Variants in SLC22A9 observed in about 807,000 individuals in gnomAD.
The protein encoded by SLC22A9 is solute carrier family 22 member 9.
In SLC22A9, 64 loss-of-function variants were observed where a neutral mutation model predicts 50.1. That is an observed-to-expected ratio of 1.28 (90% CI 1.04 to 1.57). SLC22A9 has a LOEUF of 1.57. Among genes scored for constraint, SLC22A9 ranks in the 40% most tolerant of loss-of-function variants. SLC22A9 has a pLI of 0.00. For missense variants in SLC22A9, 757 were observed against 676.1 expected, an observed-to-expected ratio of 1.12 and a Z score of -1.33; for synonymous variants, 261 against 242.5, an observed-to-expected ratio of 1.08 and a Z score of -0.71.
chr11:63,371,042 A>C, intron 1 of SLC22A9, 93 bp from the exon 2 acceptor site: 1 of 875,660 alleles, frequency 1.1e-6, no homozygotes, highest in East Asian at 2.6e-5. Context: ...TAGAGACTTA[A>C]TATTAGGAAA....
intron 6 of SLC22A9, among the ~76,000 whole-genome samples, chr11:63,405,703 G>A (rs1390996427): frequency 6.6e-6 from 1 of 152,070 alleles, no homozygotes; most frequent in Non-Finnish European, 1.5e-5. Flanking sequence ...AGCTCCTGAG[G>A]TACTCACTGG....
At chr11:63,370,788 A>G (rs1179907391) in intron 1 of SLC22A9, among the ~76,000 whole-genome samples, 1 of 152,180 alleles carries the variant, frequency 6.6e-6, no homozygotes, top group Non-Finnish European at 1.5e-5. Context: ...AAATTGAGAA[A>G]AGCCTCCATG....
intron 6 of SLC22A9, among the ~76,000 whole-genome samples, chr11:63,405,471 G>A (rs1342534985): frequency 6.6e-6 from 1 of 152,110 alleles, no homozygotes; most frequent in Non-Finnish European, 1.5e-5. Context: ...TTCTGAAAAC[G>A]TAATAAAAAC....
At chr11:63,408,081 T>G in intron 7 of SLC22A9, 31 bp from the exon 8 acceptor site, 1 of 1,575,058 alleles carries the variant, frequency 6.3e-7, no homozygotes, top group Non-Finnish European at 8.7e-7. Flanking sequence ...AGCTCAGATT[T>G]CCTGAGGCCT....
chr11:63,372,824 G>A (rs1396378216), intron 2 of SLC22A9, among the ~76,000 whole-genome samples: 1 of 151,956 alleles, frequency 6.6e-6, no homozygotes, highest in Non-Finnish European at 1.5e-5. Context: ...CTTTTTCATA[G>A]TAAACTTACA....
intron 5 of SLC22A9, among the ~76,000 whole-genome samples, chr11:63,378,930 A>G (rs1036609232): frequency 1.3e-5 from 2 of 152,212 alleles, no homozygotes; most frequent in South Asian, 4.1e-4. Flanking sequence ...TATTGTTTAA[A>G]TGGCCATACA....
At chr11:63,407,138 C>A (rs2015054748) in intron 7 of SLC22A9, among the ~76,000 whole-genome samples, 1 of 152,124 alleles carries the variant, frequency 6.6e-6, no homozygotes, top group South Asian at 2.1e-4. Context: ...CAATGTACTC[C>A]CTAATTCCCA....
rs2014319155 is a variant in SLC22A9, at chr11:63,369,991, TC to T, written c.-63del. On this transcript the variant is annotated 5_prime_UTR_variant, in exon 1 of 10. Transcript: ENST00000279178. ...TGTGACTTAGGGAAAGAAAACATTT[TC>T]CCTCTTTGAACCTCTCTGGATACAG... 7 of 1,475,262 alleles carry T rather than the reference TC, an allele frequency of 4.7e-6. No individual in the cohort carries two copies. The East Asian group carries it at 1.6e-4, about 34-fold the overall frequency. The allele number at this position is 1,475,262 out of a possible 1,614,324, so 91.4% of individuals were successfully genotyped here. A position where few individuals can be genotyped will look rare whatever the true frequency, so the allele number is the denominator to read the frequency against.
Position 63,410,073 on chromosome 11 carries a change from T to C in SLC22A9, c.*211T>C, listed in dbSNP as rs1344560688. The stretch of plus-strand genomic sequence containing the variant: ...GGCCAACATGGTGAAACCCTGTCTC[T>C]ACTAAAACAAATACAAAACTTCGCT... On this transcript the variant is annotated 3_prime_UTR_variant, in exon 10 of 10. Transcript: ENST00000279178. The C allele has an allele frequency of 4.7e-6, 2 of 422,002 alleles. No homozygotes were observed. Among genetic ancestry groups the C allele is most frequent in the South Asian group, 2.8e-5 (1 of 36,044 alleles). 26.1% of individuals were successfully genotyped at this position (422,002 alleles called of 1,614,324 possible).
In SLC22A9 at chr11:63,373,808, C is replaced by A; in HGVS notation, c.661+10C>A. ...AATACTATTATGTTAAGTAAGCCAA[C>A]ACTTTGGATCCACATTTTCCAAACT... is the stretch of plus-strand genomic sequence containing the variant. On this transcript the variant is annotated intron_variant, in intron 3 of 9. Transcript: ENST00000279178. The A allele has an allele frequency of 1.2e-6, 2 of 1,604,756 alleles. No individual in the cohort carries two copies. Among genetic ancestry groups the A allele is most frequent in the Non-Finnish European group, 8.5e-7 (1 of 1,175,016 alleles).
chr11:63,408,859 C>T lies in SLC22A9; in HGVS notation c.1581C>T (p.Thr527=). 1 of 1,613,924 alleles carries T rather than the reference C, an allele frequency of 6.2e-7. No homozygotes were observed. The highest frequency in any genetic ancestry group is 1.1e-5 in the South Asian group (1 of 91,074). The change falls in exon 9 of 10, where the codon ACC becomes ACT. Residue 527 remains threonine, a synonymous_variant. Transcript: ENST00000279178. The part of the protein sequence containing the change: ...PETRNKPLFD[T]IQDEKNERKD... ...CCAGGAACAAGCCTCTGTTTGACAC[C>T]ATCCAGGATGAGAAAAATGAGTGAG... is the stretch of plus-strand genomic sequence containing the variant.
intron 5 of SLC22A9, 62 bp downstream of exon 5, chr11:63,375,830 G>A (rs745628758): frequency 1.1e-5 from 18 of 1,582,386 alleles, no homozygotes; most frequent in Non-Finnish European, 1.3e-5. Context: ...TCAATACTTA[G>A]CAGTAGCAGT....
At chr11:63,408,650 T>C in intron 8 of SLC22A9, 26 bp from the exon 9 acceptor site, 1 of 1,590,818 alleles carries the variant, frequency 6.3e-7, no homozygotes. Flanking sequence ...TAACAGATAT[T>C]CTTGTATTGC....
At chr11:63,385,382 G>A (rs1356352640) in intron 6 of SLC22A9, among the ~76,000 whole-genome samples, 2 of 151,966 alleles carry the variant, frequency 1.3e-5, no homozygotes, top group African/African-American at 4.8e-5. Context: ...ATTGCTTTGG[G>A]CAGTATGGCC....
At position 63,400,806 on chromosome 11, in the gene SLC22A9, C is replaced by T. The variant is rs142213674; in HGVS notation, c.1074-5691C>T. On this transcript the variant is annotated intron_variant, in intron 6 of 9. Coordinates refer to ENST00000279178, the MANE Select transcript of SLC22A9 (RefSeq NM_080866.3). The stretch of plus-strand genomic sequence containing the variant: ...AACACATTAAAGAGATCATTCATCA[C>T]GACCAAGTGTGATTCATCCCAAGGA... 8.7e-3 allele frequency among the ~76,000 whole-genome samples: 1,324 copies of T among 152,160 alleles called. 10 individuals are homozygous for T. The highest frequency in any genetic ancestry group is 0.016 in the African/African-American group (648 of 41,556).
intron 4 of SLC22A9, 55 bp downstream of exon 4, chr11:63,374,117 T>C: frequency 6.7e-7 from 1 of 1,502,754 alleles, no homozygotes; most frequent in Non-Finnish European, 9.0e-7. Flanking sequence ...AGAATGTATG[T>C]GGAACTAGGA....
At chr11:63,386,087 A>G (rs1334484528) in intron 6 of SLC22A9, among the ~76,000 whole-genome samples, 5 of 152,042 alleles carry the variant, frequency 3.3e-5, no homozygotes, top group East Asian at 1.9e-4. Flanking sequence ...TATGTGATAA[A>G]TTACATTTAC....
intron 6 of SLC22A9, among the ~76,000 whole-genome samples, chr11:63,387,058 G>A (rs1450272846): frequency 6.6e-6 from 1 of 151,906 alleles, no homozygotes; most frequent in Non-Finnish European, 1.5e-5. Flanking sequence ...TCTTAACACT[G>A]CTTTAGCTGC....
Position 63,408,793 on chromosome 11 carries a change from C to G in SLC22A9, c.1515C>G (p.Phe505Leu). Residue 505 changes from phenylalanine to leucine, a missense_variant, in exon 9 of 10, where the codon TTC becomes TTG. Physicochemically the swap from Phe to Leu is conservative, Grantham distance 22 (BLOSUM62 0). Coordinates refer to ENST00000279178, the MANE Select transcript of SLC22A9 (RefSeq NM_080866.3). ...TGCCCTGGATCATCTATGGAGTCTTCCCCTTCATCTCTGGCTTTGCTTTCC... is the reference window on the plus strand; with the variant it reads ...TGCCCTGGATCATCTATGGAGTCTTGCCCTTCATCTCTGGCTTTGCTTTCC... ...PPLPWIIYGV[F>L]PFISGFAFLL... 4 of 1,613,990 alleles carry G rather than the reference C, an allele frequency of 2.5e-6. No individual in the cohort carries two copies. The highest frequency in any genetic ancestry group is 3.4e-6 in the Non-Finnish European group (4 of 1,179,930).
Sources: gnomAD v4.1 joint callset for allele counts (sites outside exome capture counted in the v4.1 genomes callset) on GRCh38, gnomAD v4.1.1 for gene constraint, MANE v1.5 for transcripts, NCBI Gene and HGNC (gene_info 2026-07-23, HGNC 2026-07-21) for gene names.